The following NPAS3 variants were observed in gnomAD, a reference collection of about 807,000 sequenced individuals.
NPAS3 encodes neuronal PAS domain protein 3, also known as neuronal PAS domain-containing protein 3.
In NPAS3, 14 loss-of-function variants were observed where a neutral mutation model predicts 73.1. The ratio of observed to expected loss-of-function variants is 0.19; its 90% CI spans 0.13 to 0.30. The LOEUF is 0.30. Ranked by LOEUF, NPAS3 falls within the 10% of genes least tolerant of loss-of-function variation. The probability of loss-of-function intolerance (pLI) is 1.00; values close to 1 mark genes in which losing one functional copy is unlikely to be tolerated. For synonymous variants in NPAS3, 620 were observed against 541.5 expected (o/e 1.14, Z -2.01); for missense variants, 1,096 against 1,250.0 (o/e 0.88, Z 1.86).
At chr14:33,246,296 T>C (rs1170226068) in intron 3 of NPAS3, among the ~76,000 whole-genome samples, 1 of 151,814 alleles carries the variant, frequency 6.6e-6, no homozygotes, top group Non-Finnish European at 1.5e-5. Flanking sequence ...TCCCAGCACT[T>C]TGGGAGGCCG....
At chr14:33,090,344 A>T (rs2042182456) in intron 2 of NPAS3, among the ~76,000 whole-genome samples, 1 of 152,214 alleles carries the variant, frequency 6.6e-6, no homozygotes, top group Non-Finnish European at 1.5e-5. Context: ...CAGGGGTTGC[A>T]ATCCTAGTCT....
At chr14:33,633,483 C>T (rs900906159) in intron 5 of NPAS3, among the ~76,000 whole-genome samples, 8 of 152,156 alleles carry the variant, frequency 5.3e-5, no homozygotes, top group Admixed American at 3.3e-4. Flanking sequence ...AGTGTAGTTA[C>T]ACAAACCTAG....
exon 3 of NPAS3, chr14:33,215,232 G>A: frequency 6.2e-7 from 1 of 1,612,230 alleles, no homozygotes; most frequent in Non-Finnish European, 8.5e-7. Context: ...CGCTCCCGCC[G>A]GGGAAAAGAA....
chr14:33,136,329 G>A (rs1958015), intron 2 of NPAS3, among the ~76,000 whole-genome samples: 1,671 of 151,394 alleles, frequency 0.011, 33 homozygotes, highest in African/African-American at 0.04. Context: ...AAAGTGCTGC[G>A]ATTACAGGTG....
chr14:33,665,049 C>G (rs1445610278), intron 5 of NPAS3, among the ~76,000 whole-genome samples: 2 of 152,334 alleles, frequency 1.3e-5, no homozygotes, highest in African/African-American at 4.8e-5. Context: ...TATAAAGACA[C>G]ATGCGCACAC....
At chr14:33,765,182 A>C (rs1334358297) in intron 7 of NPAS3, among the ~76,000 whole-genome samples, 2 of 152,158 alleles carry the variant, frequency 1.3e-5, no homozygotes, top group Non-Finnish European at 2.9e-5. Flanking sequence ...TGGATGGGAA[A>C]TAATTGTTGT....
intron 5 of NPAS3, among the ~76,000 whole-genome samples, chr14:33,593,132 G>A (rs866791334): frequency 2.0e-5 from 3 of 151,996 alleles, no homozygotes; most frequent in Admixed American, 6.6e-5. Flanking sequence ...AGCACCTATC[G>A]TTTATGAAGT....
intron 6 of NPAS3, among the ~76,000 whole-genome samples, chr14:33,678,538 C>A (rs1195569896): frequency 6.6e-6 from 1 of 152,126 alleles, no homozygotes; most frequent in Non-Finnish European, 1.5e-5. Context: ...TTGCAGAGAA[C>A]CCTCTAAAAA....
At chr14:33,434,896 A>G (rs774639008) in intron 4 of NPAS3, among the ~76,000 whole-genome samples, 49 of 152,184 alleles carry the variant, frequency 3.2e-4, no homozygotes, top group Non-Finnish European at 5.9e-4. Flanking sequence ...AAAATTGTCA[A>G]TACAGAGCTA....
At chr14:33,247,561 T>C (rs961079259) in intron 3 of NPAS3, among the ~76,000 whole-genome samples, 2 of 152,188 alleles carry the variant, frequency 1.3e-5, no homozygotes, top group Admixed American at 1.3e-4. Flanking sequence ...TGCATTCGTG[T>C]AGGCTTTTCT....
At chr14:33,154,994 TTCACA>T (rs1246818133) in intron 2 of NPAS3, among the ~76,000 whole-genome samples, 39 of 152,308 alleles carry the variant, frequency 2.6e-4, no homozygotes, top group African/African-American at 8.9e-4. Context: ...TCTTAGAGTT[TTCACA>T]TCACAAGTAT....
intron 4 of NPAS3, among the ~76,000 whole-genome samples, chr14:33,413,183 C>G (rs746930275): frequency 6.6e-6 from 1 of 151,888 alleles, no homozygotes; most frequent in Non-Finnish European, 1.5e-5. Context: ...TGCTTTTTTT[C>G]CCTCTCTCAT....
intron 4 of NPAS3, among the ~76,000 whole-genome samples, chr14:33,383,078 G>T (rs966846727): frequency 2.2e-5 from 2 of 92,684 alleles, no homozygotes; most frequent in African/African-American, 4.5e-5. Flanking sequence ...CAGAGCAAAA[G>T]ACCCTGTCTT....
At chr14:33,001,835 T>C (rs1353996138) in intron 1 of NPAS3, among the ~76,000 whole-genome samples, 14 of 152,182 alleles carry the variant, frequency 9.2e-5, no homozygotes. Flanking sequence ...TTTTCCTCCC[T>C]TTTGTGTGAG....
intron 1 of NPAS3, among the ~76,000 whole-genome samples, chr14:32,989,527 C>T (rs1482068640): frequency 6.6e-6 from 1 of 152,044 alleles, no homozygotes; most frequent in Non-Finnish European, 1.5e-5. Context: ...GCCTGTAGTC[C>T]CAGCTACGCG....
At chr14:33,798,183 G>A (rs944371867) in intron 11 of NPAS3, among the ~76,000 whole-genome samples, 1 of 152,104 alleles carries the variant, frequency 6.6e-6, no homozygotes, top group African/African-American at 2.4e-5. Context: ...CCTCTTTCAG[G>A]GTGCTGGACT....
At chr14:33,037,930 T>G (rs144478228) in intron 1 of NPAS3, among the ~76,000 whole-genome samples, 1 of 152,336 alleles carries the variant, frequency 6.6e-6, no homozygotes, top group Non-Finnish European at 1.5e-5. Context: ...TCTTTGATAC[T>G]TTGGATTCAA....
chr14:33,300,695 A>C (rs1360202172), intron 3 of NPAS3, among the ~76,000 whole-genome samples: 3 of 151,954 alleles, frequency 2.0e-5, no homozygotes, highest in African/African-American at 4.8e-5. Context: ...GAGGCTCTGC[A>C]TTGCGGGTGA....
At chr14:33,425,008 G>A (rs999116028) in intron 4 of NPAS3, among the ~76,000 whole-genome samples, 1 of 152,000 alleles carries the variant, frequency 6.6e-6, no homozygotes. Flanking sequence ...CAGTGATAGA[G>A]ATGTAGAAGG....
Sources: gnomAD v4.1 joint callset for allele counts (sites outside exome capture counted in the v4.1 genomes callset) on GRCh38, gnomAD v4.1.1 for gene constraint, MANE v1.5 for transcripts, NCBI Gene and HGNC (gene_info 2026-07-23, HGNC 2026-07-21) for gene names.